The following NBEA variants were observed in gnomAD, a reference collection of about 807,000 sequenced individuals.
NBEA encodes neurobeachin.
A neutral mutation model predicts 343.4 loss-of-function variants in NBEA; 44 were observed. The ratio of observed to expected loss-of-function variants is 0.13; its 90% CI spans 0.10 to 0.16. The LOEUF (loss-of-function observed/expected upper bound fraction) is 0.16, where lower values mean the gene tolerates loss of function less well. NBEA is among the 10% of genes least tolerant of loss of function. The pLI, the probability that NBEA is intolerant of heterozygous loss-of-function variation, is 1.00. For synonymous variants in NBEA, 1,175 were observed against 1,238.7 expected (o/e 0.95, Z 1.08); for missense variants, 2,555 against 3,631.3 (o/e 0.70, Z 7.62).
At chr13:35,243,503 T>C (rs1189344121) in intron 34 of NBEA, among the ~76,000 whole-genome samples, 1 of 151,912 alleles carries the variant, frequency 6.6e-6, no homozygotes, top group African/African-American at 2.4e-5. Context: ...ACCAACTATG[T>C]GCTGTCTTTA....
intron 1 of NBEA, among the ~76,000 whole-genome samples, chr13:35,035,916 T>C (rs1359702075): frequency 6.6e-6 from 1 of 151,988 alleles, no homozygotes; most frequent in Non-Finnish European, 1.5e-5. Flanking sequence ...ATAGGTGAAG[T>C]GTGTTTCTTT....
chr13:35,444,555 T>C (rs916946016), intron 39 of NBEA, among the ~76,000 whole-genome samples: 1 of 152,058 alleles, frequency 6.6e-6, no homozygotes, highest in Non-Finnish European at 1.5e-5. Flanking sequence ...AAGAATTTCT[T>C]CTTTGAAAAA....
chr13:35,134,499 CT>C (rs1014720029), intron 17 of NBEA, among the ~76,000 whole-genome samples: 4 of 151,762 alleles, frequency 2.6e-5, no homozygotes, highest in Admixed American at 2.6e-4. Context: ...AATATCTTAC[CT>C]ACTTAGAAAT....
At chr13:35,448,798 CAT>C (rs5802765) in intron 39 of NBEA, among the ~76,000 whole-genome samples, 66,430 of 151,868 alleles carry the variant, frequency 0.44, 17,195 homozygotes, top group Middle Eastern at 0.61. Flanking sequence ...CAGTTCAGCA[CAT>C]GTTTGTGGCA....
chr13:35,076,197 T>G (rs1363834942), intron 10 of NBEA, among the ~76,000 whole-genome samples: 2 of 151,962 alleles, frequency 1.3e-5, no homozygotes, highest in African/African-American at 4.8e-5. Flanking sequence ...TCGGAAAGAA[T>G]ATACCACTGA....
At chr13:35,230,183 G>T (rs1372032896) in intron 33 of NBEA, among the ~76,000 whole-genome samples, 1 of 151,904 alleles carries the variant, frequency 6.6e-6, no homozygotes, top group African/African-American at 2.4e-5. Flanking sequence ...TTACCCTTTA[G>T]TCAAGATAAT....
Position 35,232,685 on chromosome 13 carries a change from G to C in NBEA, c.5776+66G>C. 2.5e-6 allele frequency: 3 copies of C among 1,205,694 alleles called. No individual in the cohort carries two copies. The South Asian group carries it at 6.5e-5, about 26-fold the overall frequency. 74.7% of individuals were successfully genotyped at this position (1,205,694 alleles called of 1,614,324 possible). On this transcript the variant is annotated intron_variant, in intron 34 of 58. Transcript: ENST00000379939. ...GTATGTATTAATCATGGCATAATTT[G>C]TGCTTCTGGAGGAATATATATTTCC...
chr13:35,543,648 T>C (rs753158169), intron 41 of NBEA, among the ~76,000 whole-genome samples: 1 of 152,194 alleles, frequency 6.6e-6, no homozygotes, highest in Non-Finnish European at 1.5e-5. Context: ...CAATACACCA[T>C]AGAGAAATAC....
intron 38 of NBEA, among the ~76,000 whole-genome samples, chr13:35,430,533 G>C (rs562186181): frequency 2.0e-5 from 3 of 152,104 alleles, no homozygotes; most frequent in Non-Finnish European, 4.4e-5. Context: ...CCAATGTCTA[G>C]AAGAGTTTTT....
At chr13:35,467,287 C>G (rs896836528) in intron 40 of NBEA, among the ~76,000 whole-genome samples, 1 of 152,040 alleles carries the variant, frequency 6.6e-6, no homozygotes, top group Non-Finnish European at 1.5e-5. Flanking sequence ...GCCTGGCCAA[C>G]ATGGTGAAAC....
At chr13:35,640,860 C>A (rs1339264097) in intron 49 of NBEA, among the ~76,000 whole-genome samples, 1 of 151,598 alleles carries the variant, frequency 6.6e-6, no homozygotes, top group Non-Finnish European at 1.5e-5. Context: ...ACTTCTCTGC[C>A]TATACCTACA....
chr13:35,573,110 T>A (rs2080523170), intron 45 of NBEA, among the ~76,000 whole-genome samples: 1 of 152,204 alleles, frequency 6.6e-6, no homozygotes. Context: ...CCTTAACATA[T>A]AATCCACACT....
intron 48 of NBEA, among the ~76,000 whole-genome samples, chr13:35,619,307 A>G (rs1369712055): frequency 6.6e-6 from 1 of 152,018 alleles, no homozygotes; most frequent in Non-Finnish European, 1.5e-5. Context: ...ACCAGGTTCT[A>G]GAGGCCAAAG....
At chr13:34,973,008 A>AT (rs893207449) in intron 1 of NBEA, among the ~76,000 whole-genome samples, 23 of 149,152 alleles carry the variant, frequency 1.5e-4, no homozygotes, top group Middle Eastern at 7.0e-3. Flanking sequence ...TCACCTTTGG[A>AT]TTTTTTTTTT....
At chr13:35,265,328 C>A (rs2033581297) in intron 34 of NBEA, among the ~76,000 whole-genome samples, 1 of 151,794 alleles carries the variant, frequency 6.6e-6, no homozygotes, top group African/African-American at 2.4e-5. Context: ...CAGTCCCTAT[C>A]AAAATACCAA....
At chr13:35,436,062 A>C (rs1384737314) in intron 39 of NBEA, among the ~76,000 whole-genome samples, 1 of 145,728 alleles carries the variant, frequency 6.9e-6, no homozygotes, top group Non-Finnish European at 1.5e-5. Flanking sequence ...GACTGGTTTC[A>C]AAAAAAAAAA....
intron 1 of NBEA, among the ~76,000 whole-genome samples, chr13:34,954,077 G>T (rs561040184): frequency 6.6e-6 from 1 of 152,118 alleles, no homozygotes; most frequent in Non-Finnish European, 1.5e-5. Context: ...AAAAGGTTGG[G>T]GATCGCTGCC....
At chr13:35,131,087 A>G (rs2067398611) in intron 17 of NBEA, among the ~76,000 whole-genome samples, 1 of 152,102 alleles carries the variant, frequency 6.6e-6, no homozygotes, top group African/African-American at 2.4e-5. Flanking sequence ...TTGTCAGCCT[A>G]AGAAGGCAAA....
At chr13:35,606,662 A>C in intron 48 of NBEA, 84 bp downstream of exon 48, 8 of 1,077,114 alleles carry the variant, frequency 7.4e-6, no homozygotes, top group Non-Finnish European at 1.0e-5. Flanking sequence ...TCTTTACTAT[A>C]ATATTACCAA....
Sources: gnomAD v4.1 joint callset for allele counts (sites outside exome capture counted in the v4.1 genomes callset) on GRCh38, gnomAD v4.1.1 for gene constraint, MANE v1.5 for transcripts, NCBI Gene and HGNC (gene_info 2026-07-23, HGNC 2026-07-21) for gene names.